KAT14: variants seen among roughly 807,000 people sequenced by gnomAD.
The protein encoded by KAT14 is lysine acetyltransferase 14, also known as cysteine-rich protein 2-binding protein.
A neutral mutation model predicts 78.4 loss-of-function variants in KAT14; 66 were observed. That is an observed-to-expected ratio of 0.84 (90% CI 0.69 to 1.03). The LOEUF (loss-of-function observed/expected upper bound fraction) is 1.03. KAT14 is among the 50% of genes least tolerant of loss of function. KAT14 has a pLI of 0.00. For synonymous variants in KAT14, 344 were observed against 359.4 expected (o/e 0.96, Z 0.48); for missense variants, 870 against 972.5 (o/e 0.89, Z 1.40).
Position 18,187,611 on chromosome 20 carries a change from G to C in KAT14, c.*152G>C. 7.5e-7 allele frequency: 1 copy of C among 1,330,776 alleles called. No individual in the cohort carries two copies. Among genetic ancestry groups the C allele is most frequent in the East Asian group, 2.7e-5 (1 of 37,556 alleles). The allele number at this position is 1,330,776 out of a possible 1,614,324, so 82.4% of individuals were successfully genotyped here. On this transcript the variant is annotated 3_prime_UTR_variant, in exon 11 of 11. Transcript: ENST00000688188. ...ACCAAAGTGAGAAAAGCGGCATGCA[G>C]TGAAATGAGCAGTGAGCAGCCCTTT...
At chr20:18,149,578 T>C (rs1471639346) in intron 3 of KAT14, among the ~76,000 whole-genome samples, 1 of 151,936 alleles carries the variant, frequency 6.6e-6, no homozygotes, top group Non-Finnish European at 1.5e-5. Flanking sequence ...GATATTGCTC[T>C]TTCCGTAAGA....
rs186753377 is a variant in KAT14 at position 18,175,686 on chromosome 20, T to C, written c.1669-6024T>C. 6.5e-3 allele frequency among the ~76,000 whole-genome samples: 987 copies of C among 152,142 alleles called. 8 individuals carry two copies. The highest frequency in any genetic ancestry group is 0.022 in the African/African-American group (929 of 41,498). On this transcript the variant is annotated intron_variant, in intron 7 of 10. Transcript: ENST00000688188. ...TATTTGACCTTGGGATGCTTTTTTT[T>C]CCCACACTTTACCATTCAGCAAATG...
intron 7 of KAT14, among the ~76,000 whole-genome samples, chr20:18,180,763 AC>A (rs2039218993): frequency 6.6e-6 from 1 of 150,408 alleles, no homozygotes; most frequent in African/African-American, 2.5e-5. Context: ...ATTAAAAAAA[AC>A]AAAACATCGG....
chr20:18,162,311 G>T, intron 6 of KAT14, 66 bp from the exon 7 acceptor site: 1 of 1,605,048 alleles, frequency 6.2e-7, no homozygotes, highest in Non-Finnish European at 8.5e-7. Context: ...TTTTCACCCC[G>T]TGGGCTGTGT....
At chr20:18,165,811 CTG>C (rs1489799176) in intron 7 of KAT14, among the ~76,000 whole-genome samples, 1 of 152,148 alleles carries the variant, frequency 6.6e-6, no homozygotes, top group African/African-American at 2.4e-5. Context: ...GTGGGATCCT[CTG>C]TATTTCCTGC....
chr20:18,155,427 C>T (rs1433339956), intron 4 of KAT14, among the ~76,000 whole-genome samples: 1 of 152,106 alleles, frequency 6.6e-6, no homozygotes, highest in Non-Finnish European at 1.5e-5. Flanking sequence ...GTGGCTTACA[C>T]ACAGCTTGTA....
upstream of KAT14, among the ~76,000 whole-genome samples, chr20:18,137,587 G>A (rs1429394963): frequency 2.0e-5 from 3 of 152,198 alleles, no homozygotes; most frequent in African/African-American, 7.2e-5. Flanking sequence ...ACGGTATCCA[G>A]ACCCCGCCCG....
chr20:18,138,888 C>CT (rs1471778532), intron 1 of KAT14, among the ~76,000 whole-genome samples: 2 of 152,224 alleles, frequency 1.3e-5, no homozygotes, highest in Non-Finnish European at 2.9e-5. Context: ...CTTCCAGAGT[C>CT]TATCAGTGAT....
At chr20:18,141,627 G>C (rs1305622743) in intron 1 of KAT14, among the ~76,000 whole-genome samples, 1 of 152,228 alleles carries the variant, frequency 6.6e-6, no homozygotes, top group Non-Finnish European at 1.5e-5. Flanking sequence ...GCTCACGCCT[G>C]TAATCCGGCA....
chr20:18,170,358 T>C (rs990020153), intron 7 of KAT14, among the ~76,000 whole-genome samples: 3 of 152,206 alleles, frequency 2.0e-5, no homozygotes, highest in Non-Finnish European at 4.4e-5. Flanking sequence ...TGACTTTCAG[T>C]TGGAGCCAGT....
At chr20:18,183,051 G>A in intron 8 of KAT14, 72 bp from the exon 9 acceptor site, 1 of 1,531,828 alleles carries the variant, frequency 6.5e-7, no homozygotes, top group South Asian at 1.3e-5. Context: ...GAGTTTATAT[G>A]AGTCAAAAAG....
At chr20:18,143,072 T>C (rs2146339330) in intron 2 of KAT14, 153 bp downstream of exon 2, 1 of 1,419,946 alleles carries the variant, frequency 7.0e-7, no homozygotes, top group Non-Finnish European at 9.2e-7. Context: ...ATATAAAACA[T>C]AGGCATGTTT....
At position 18,184,667 on chromosome 20, in the gene KAT14, A is replaced by G. The variant is rs1428538037; in HGVS notation, c.2047A>G (p.Ile683Val). ...TGTTGTTGTTCTTTATAAAAAAGTCATCATTGCCTTTGGCTTCATGGTTCC... is the reference window on the plus strand; with the variant it reads ...TGTTGTTGTTCTTTATAAAAAAGTCGTCATTGCCTTTGGCTTCATGGTTCC... ...FSVVVLYKKV[I>V]IAFGFMVPDV... The change falls in exon 10 of 11, where the codon ATC (isoleucine) becomes GTC (valine). Residue 683 changes from isoleucine to valine, a missense_variant. Coordinates refer to ENST00000688188, the MANE Select transcript of KAT14 (RefSeq NM_001392073.1). The G allele has an allele frequency of 6.2e-7, 1 of 1,613,994 alleles. No homozygotes were observed. The highest frequency in any genetic ancestry group is 8.5e-7 in the Non-Finnish European group (1 of 1,179,990).
chr20:18,143,085 A>T (rs2037651966), intron 2 of KAT14, 166 bp downstream of exon 2: 6 of 1,405,560 alleles, frequency 4.3e-6, no homozygotes, highest in Non-Finnish European at 5.6e-6. Flanking sequence ...GCATGTTTGT[A>T]CTAATGAAAC....
At chr20:18,144,991 G>A (rs2037771111) in intron 2 of KAT14, 8 of 965,862 alleles carry the variant, frequency 8.3e-6, no homozygotes, top group Non-Finnish European at 1.1e-5. Flanking sequence ...AACAATACCT[G>A]CTTTTCCAGT....
In KAT14 at chr20:18,161,719, A is replaced by G. The variant is rs372392297; in HGVS notation, c.683-104A>G. On this transcript the variant is annotated intron_variant, in intron 5 of 10. Transcript: ENST00000688188. ...TTGGGATACTCAGCCAATAAGTAAA[A>G]TGCAAATATTCCAAAAGCCGAAAAC... is the stretch of plus-strand genomic sequence containing the variant. The G allele has an allele frequency of 2.5e-4, 360 of 1,451,994 alleles. 2 individuals are homozygous for G. The South Asian group carries it at 4.8e-3, about 19-fold the overall frequency. 89.9% of individuals were successfully genotyped at this position (1,451,994 alleles called of 1,614,324 possible).
chr20:18,162,091 T>C lies in KAT14; in HGVS notation c.951T>C (p.Ser317=). The part of the protein sequence containing the change: ...EVIDFSSLSS[S]DRTPLTSPSP... ...TTGACTTTTCCTCCTTGAGCTCCTC[T>C]GACCGCACCCCGCTGACAAGCCCAT... The change falls in exon 6 of 11, where the codon TCT becomes TCC. Residue 317 remains serine (S), a synonymous_variant. Coordinates refer to ENST00000688188, the MANE Select transcript of KAT14 (RefSeq NM_001392073.1). The C allele has an allele frequency of 4.3e-6, 7 of 1,614,238 alleles. No individual in the cohort carries two copies. The highest frequency in any genetic ancestry group is 5.9e-6 in the Non-Finnish European group (7 of 1,180,044).
chr20:18,142,691 A>G lies in KAT14; in HGVS notation c.31A>G (p.Ile11Val). The change falls in exon 2 of 11, where the codon ATC becomes GTC. Residue 11 changes from isoleucine (I) to valine (V), a missense_variant. Ile to Val is a conservative substitution (Grantham distance 29). Transcript: ENST00000688188. MDSSIHLSSL[I>V]SRHDDEATRT... ...TAGTAGCATCCACCTGAGTAGTCTG[A>G]TCAGTCGGCATGATGACGAAGCCAC... The G allele has an allele frequency of 1.2e-6, 2 of 1,614,186 alleles. No homozygotes were observed. The highest frequency in any genetic ancestry group is 1.1e-5 in the South Asian group (1 of 91,086).
At chr20:18,183,344 C>A (rs1187824095) in intron 9 of KAT14, 46 bp downstream of exon 9, 1 of 1,525,714 alleles carries the variant, frequency 6.6e-7, no homozygotes, top group Non-Finnish European at 8.8e-7. Context: ...TCTGTACAGT[C>A]CATTCTAGCA....
Sources: allele counts gnomAD v4.1 joint callset (sites outside exome capture counted in the v4.1 genomes callset), GRCh38; gene constraint gnomAD v4.1.1; transcripts MANE v1.5; gene names NCBI Gene and HGNC (gene_info 2026-07-23, HGNC 2026-07-21).